Variants in COL24A1 observed in about 807,000 individuals in gnomAD.
COL24A1 encodes collagen type XXIV alpha 1 chain.
COL24A1 carries 224 observed loss-of-function variants against 253.9 expected under a neutral mutation model. The ratio of observed to expected loss-of-function variants is 0.88; its 90% CI spans 0.79 to 0.99. The LOEUF is 0.99. COL24A1 is among the 50% of genes least tolerant of loss of function. COL24A1 has a pLI of 0.00. For missense variants in COL24A1, 2,131 were observed against 2,068.5 expected, an observed-to-expected ratio of 1.03 and a Z score of -0.59; for synonymous variants, 685 against 673.7, an observed-to-expected ratio of 1.02 and a Z score of -0.26.
At chr1:86,012,288 C>T (rs1021921122) in intron 19 of COL24A1, among the ~76,000 whole-genome samples, 2 of 152,104 alleles carry the variant, frequency 1.3e-5, no homozygotes, top group Non-Finnish European at 2.9e-5. Context: ...AAAATAATCT[C>T]CTTAAATCAT....
chr1:85,963,916 T>C (rs1691315192), intron 23 of COL24A1, among the ~76,000 whole-genome samples: 1 of 151,384 alleles, frequency 6.6e-6, no homozygotes, highest in South Asian at 2.1e-4. Context: ...AGCCTTTTGT[T>C]TGTAAATACT....
Position 86,126,093 on chromosome 1 carries a change from T to A in COL24A1, c.243A>T (p.Gly81=), listed in dbSNP as rs1648254200. 6.2e-7 allele frequency: 1 copy of A among 1,613,438 alleles called. No homozygotes were observed. Among genetic ancestry groups the A allele is most frequent in the African/African-American group, 1.3e-5 (1 of 74,998 alleles). The change falls in exon 3 of 60, where the codon GGA becomes GGT. Residue 81 remains glycine (G), a synonymous_variant. Coordinates refer to ENST00000370571, the MANE Select transcript of COL24A1 (RefSeq NM_152890.7). ...LPQGVHLTES[G]VIFKNDAYIE... Reference sequence around the variant, plus strand: ...TATAAGCATCATTTTTAAAAATGACTCCTGATTCTGTTAAATGGACCCCCT... The same window carrying A: ...TATAAGCATCATTTTTAAAAATGACACCTGATTCTGTTAAATGGACCCCCT...
At chr1:85,919,591 G>A (rs1237843779) in intron 24 of COL24A1, among the ~76,000 whole-genome samples, 4 of 152,206 alleles carry the variant, frequency 2.6e-5, no homozygotes, top group Non-Finnish European at 5.9e-5. Context: ...GACTGAGGCG[G>A]GAGGCTTGAG....
chr1:86,143,557 G>T (rs2102402923), intron 2 of COL24A1, among the ~76,000 whole-genome samples: 1 of 152,072 alleles, frequency 6.6e-6, no homozygotes, highest in East Asian at 1.9e-4. Flanking sequence ...TATATTGAGA[G>T]AATAGAAGTA....
chr1:85,954,410 A>G (rs546777681), intron 24 of COL24A1, among the ~76,000 whole-genome samples: 2 of 152,352 alleles, frequency 1.3e-5, no homozygotes, highest in East Asian at 3.9e-4. Context: ...AAGAGGAAGC[A>G]GGATGATGGG....
intron 1 of COL24A1, chr1:86,155,614 A>AC (rs1433073946): frequency 6.6e-6 from 1 of 151,034 alleles, no homozygotes; most frequent in Non-Finnish European, 1.5e-5. Context: ...CCCGCCCAAA[A>AC]CCTCCGCAGG....
chr1:86,136,921 TAAGAG>T (rs1199460064), intron 2 of COL24A1, among the ~76,000 whole-genome samples: 1 of 151,956 alleles, frequency 6.6e-6, no homozygotes, highest in Non-Finnish European at 1.5e-5. Context: ...AGCAAGATCT[TAAGAG>T]AAGAGAGATT....
At chr1:85,731,623 C>T (rs1405084956) in intron 59 of COL24A1, among the ~76,000 whole-genome samples, 1 of 152,136 alleles carries the variant, frequency 6.6e-6, no homozygotes, top group Non-Finnish European at 1.5e-5. Context: ...AGATGTAACA[C>T]TTAGTGTTCT....
intron 3 of COL24A1, among the ~76,000 whole-genome samples, 170 bp downstream of exon 3, chr1:86,124,675 G>A (rs1572003806): frequency 6.6e-6 from 1 of 151,968 alleles, no homozygotes; most frequent in East Asian, 1.9e-4. Context: ...CATTCTGGCA[G>A]ATATGTTACA....
intron 2 of COL24A1, among the ~76,000 whole-genome samples, chr1:86,127,862 T>C (rs1365503110): frequency 1.3e-5 from 2 of 152,070 alleles, no homozygotes; most frequent in Non-Finnish European, 2.9e-5. Flanking sequence ...ATGCCATTCC[T>C]GTGTAATCTA....
intron 2 of COL24A1, among the ~76,000 whole-genome samples, chr1:86,130,498 G>C (rs933557817): frequency 6.6e-6 from 1 of 151,540 alleles, no homozygotes; most frequent in Non-Finnish European, 1.5e-5. Context: ...TTATTCTAAG[G>C]GTTTCCTTTA....
chr1:86,101,229 T>C (rs1704425721), intron 5 of COL24A1, among the ~76,000 whole-genome samples: 1 of 152,140 alleles, frequency 6.6e-6, no homozygotes, highest in Non-Finnish European at 1.5e-5. Flanking sequence ...CCCAGCATCA[T>C]CAAAAGATGA....
chr1:85,907,123 G>C (rs1312342409), intron 28 of COL24A1, 71 bp downstream of exon 28: 5 of 1,238,712 alleles, frequency 4.0e-6, no homozygotes, highest in Non-Finnish European at 5.9e-6. Context: ...TGCTATTTTT[G>C]TTGCACATTT....
intron 24 of COL24A1, among the ~76,000 whole-genome samples, chr1:85,944,438 T>C (rs1447224591): frequency 1.3e-5 from 2 of 152,184 alleles, no homozygotes; most frequent in Non-Finnish European, 2.9e-5. Context: ...CAAATACAGC[T>C]TATTTTAACA....
intron 52 of COL24A1, among the ~76,000 whole-genome samples, 189 bp downstream of exon 52, chr1:85,781,031 C>T (rs1257380056): frequency 5.9e-5 from 9 of 152,074 alleles, no homozygotes; most frequent in African/African-American, 2.2e-4. Context: ...AAACACTTAC[C>T]TACTTAGTTA....
intron 5 of COL24A1, among the ~76,000 whole-genome samples, chr1:86,102,029 C>T (rs1170562137): frequency 6.7e-6 from 1 of 150,214 alleles, no homozygotes; most frequent in African/African-American, 2.4e-5. Context: ...TTTTTTTTAA[C>T]CAAAAAAAGG....
At chr1:85,740,884 C>T (rs1664541777) in intron 57 of COL24A1, among the ~76,000 whole-genome samples, 3 of 144,410 alleles carry the variant, frequency 2.1e-5, no homozygotes, top group Non-Finnish European at 4.5e-5. Flanking sequence ...CCGAGGCGGG[C>T]AGATCACGAG....
chr1:85,771,684 T>C (rs1667973317), intron 53 of COL24A1, among the ~76,000 whole-genome samples: 1 of 152,174 alleles, frequency 6.6e-6, no homozygotes, highest in African/African-American at 2.4e-5. Flanking sequence ...CACACTGTCT[T>C]CCACAATGGT....
chr1:85,969,561 C>T (rs776699095), intron 22 of COL24A1, among the ~76,000 whole-genome samples: 34 of 131,414 alleles, frequency 2.6e-4, no homozygotes, highest in Admixed American at 7.1e-4. Flanking sequence ...GTCAAGATCA[C>T]GCCACTGCAC....
Sources: allele counts gnomAD v4.1 joint callset (sites outside exome capture counted in the v4.1 genomes callset), GRCh38; gene constraint gnomAD v4.1.1; transcripts MANE v1.5; gene names NCBI Gene and HGNC (gene_info 2026-07-23, HGNC 2026-07-21).